The following COP1 variants were observed in gnomAD, a reference collection of about 807,000 sequenced individuals.
COP1 encodes E3 ubiquitin-protein ligase COP1.
A neutral mutation model predicts 101.3 loss-of-function variants in COP1; 24 were observed. That is an observed-to-expected ratio of 0.24 (90% CI 0.17 to 0.33). The LOEUF (loss-of-function observed/expected upper bound fraction) is 0.33. Ranked by LOEUF, COP1 falls within the 10% of genes least tolerant of loss-of-function variation. The pLI is 1.00. For synonymous variants in COP1, 347 were observed against 341.9 expected (o/e 1.01, Z -0.17); for missense variants, 663 against 906.2 (o/e 0.73, Z 3.45).
intron 11 of COP1, among the ~76,000 whole-genome samples, chr1:176,058,449 T>C (rs1674218749): frequency 1.3e-5 from 2 of 152,342 alleles, no homozygotes; most frequent in African/African-American, 4.8e-5. Flanking sequence ...TGTTGATCTG[T>C]GACCTTACCC....
intron 3 of COP1, among the ~76,000 whole-genome samples, chr1:176,170,619 T>G (rs1695897781): frequency 6.6e-6 from 1 of 152,184 alleles, no homozygotes; most frequent in Non-Finnish European, 1.5e-5. Flanking sequence ...GTCTTCAGGC[T>G]TTGTTGTTCT....
intron 19 of COP1, among the ~76,000 whole-genome samples, chr1:175,946,271 C>T (rs1187549782): frequency 6.6e-6 from 1 of 152,066 alleles, no homozygotes; most frequent in Non-Finnish European, 1.5e-5. Flanking sequence ...AAACTGGCTG[C>T]CTAAAAAAGG....
intron 18 of COP1, among the ~76,000 whole-genome samples, chr1:175,970,961 A>C (rs924791680): frequency 2.0e-5 from 3 of 152,242 alleles, no homozygotes; most frequent in African/African-American, 7.2e-5. Flanking sequence ...ACTGAAAGGG[A>C]CATAAAGCTG....
intron 1 of COP1, among the ~76,000 whole-genome samples, chr1:176,189,789 A>C (rs576577515): frequency 5.8e-4 from 87 of 150,696 alleles, no homozygotes; most frequent in Middle Eastern, 3.6e-3. Flanking sequence ...AGCCAGAAAA[A>C]TATGACCAAA....
chr1:176,090,804 A>C (rs1000017122), intron 9 of COP1, among the ~76,000 whole-genome samples: 12 of 152,218 alleles, frequency 7.9e-5, no homozygotes, highest in Non-Finnish European at 1.5e-4. Flanking sequence ...ACTCAGAAGA[A>C]AAGACCAAGA....
chr1:176,001,190 A>G (rs1035689132), intron 15 of COP1, among the ~76,000 whole-genome samples: 5 of 152,124 alleles, frequency 3.3e-5, no homozygotes, highest in African/African-American at 1.2e-4. Flanking sequence ...AAAATAAAAT[A>G]TAAAACTCTT....
At chr1:176,125,105 T>A (rs904183062) in intron 8 of COP1, among the ~76,000 whole-genome samples, 113 of 14,354 alleles carry the variant, frequency 7.9e-3, no homozygotes, top group Non-Finnish European at 0.036. Context: ...GATTATTCGA[T>A]TTTTTTTTTC....
At chr1:176,084,624 T>TA (rs1679783175) in intron 10 of COP1, among the ~76,000 whole-genome samples, 1 of 152,184 alleles carries the variant, frequency 6.6e-6, no homozygotes, top group Non-Finnish European at 1.5e-5. Flanking sequence ...TTTCCCAGCA[T>TA]AAAAACTGTT....
At chr1:176,161,738 T>C (rs1342779488) in intron 5 of COP1, among the ~76,000 whole-genome samples, 1 of 152,118 alleles carries the variant, frequency 6.6e-6, no homozygotes, top group Non-Finnish European at 1.5e-5. Context: ...TGGCAAACAG[T>C]AGATGCTAAT....
chr1:176,200,241 T>C (rs1272293582), intron 1 of COP1, among the ~76,000 whole-genome samples: 2 of 152,234 alleles, frequency 1.3e-5, no homozygotes, highest in African/African-American at 4.8e-5. Flanking sequence ...TGAGCACTTA[T>C]TATTATGAGT....
intron 1 of COP1, among the ~76,000 whole-genome samples, chr1:176,187,223 C>T (rs558570630): frequency 2.6e-5 from 4 of 152,120 alleles, no homozygotes; most frequent in Non-Finnish European, 4.4e-5. Context: ...CTCTTGGGCT[C>T]GGGACATCTC....
At chr1:175,955,801 C>CACACACACAT (rs1553275345) in intron 18 of COP1, among the ~76,000 whole-genome samples, 1 of 150,972 alleles carries the variant, frequency 6.6e-6, no homozygotes, top group African/African-American at 2.4e-5. Context: ...CACACACACA[C>CACACACACAT]GGCCTACATA....
chr1:176,179,594 C>A (rs1240658410), intron 2 of COP1, among the ~76,000 whole-genome samples: 1 of 151,682 alleles, frequency 6.6e-6, no homozygotes, highest in Non-Finnish European at 1.5e-5. Context: ...ATTAGCCATG[C>A]ATGGTGGCAG....
At chr1:176,164,439 A>G (rs1694789173) in intron 3 of COP1, among the ~76,000 whole-genome samples, 2 of 152,148 alleles carry the variant, frequency 1.3e-5, no homozygotes, top group African/African-American at 4.8e-5. Context: ...AACCCCATGT[A>G]TTACTTTGAC....
chr1:176,087,836 C>G (rs1680499856), intron 9 of COP1, among the ~76,000 whole-genome samples: 4 of 152,088 alleles, frequency 2.6e-5, no homozygotes, highest in African/African-American at 9.7e-5. Context: ...TTCACAATAG[C>G]AAAGACTTGG....
intron 1 of COP1, among the ~76,000 whole-genome samples, chr1:176,199,414 A>C (rs1700051030): frequency 6.6e-6 from 1 of 152,228 alleles, no homozygotes; most frequent in Non-Finnish European, 1.5e-5. Flanking sequence ...CAGAGAACTC[A>C]GCAATTCACT....
chr1:176,149,064 G>A lies in COP1; in HGVS notation c.773C>T (p.Ala258Val). 6.3e-7 allele frequency: 1 copy of A among 1,577,310 alleles called. No homozygotes were observed. The highest frequency in any genetic ancestry group is 8.6e-7 in the Non-Finnish European group (1 of 1,156,744). The change falls in exon 6 of 20, where the codon GCA (alanine) becomes GTA (valine). Residue 258 changes from alanine to valine, a missense_variant. This residue lies in a region of COP1 where 212 missense variants were observed against 240.7 expected (regional missense o/e 0.88). Coordinates refer to ENST00000367669, the MANE Select transcript of COP1 (RefSeq NM_022457.7). ...TTCCATAAGAATCTGTAGTTGGGCTGCATGTGATTCCTACAATAGAAAATT... is the reference window on the plus strand; with the variant it reads ...TTCCATAAGAATCTGTAGTTGGGCTACATGTGATTCCTACAATAGAAAATT... ...KKKQLEAESHAAQLQILMEFL... is the reference protein window; with the variant it reads ...KKKQLEAESHVAQLQILMEFL...
chr1:176,027,481 C>CA, intron 15 of COP1, 91 bp downstream of exon 15: 4 of 795,956 alleles, frequency 5.0e-6, no homozygotes, highest in Non-Finnish European at 8.7e-6. Context: ...TTTAAACCTA[C>CA]AAAAGAGTTA....
At chr1:176,002,636 T>G (rs201422094) in intron 15 of COP1, among the ~76,000 whole-genome samples, 39,277 of 147,548 alleles carry the variant, frequency 0.27, 6,182 homozygotes, top group East Asian at 0.48. Context: ...GATAGTTTAC[T>G]GAGAATGATG....
Sources: allele counts gnomAD v4.1 joint callset (sites outside exome capture counted in the v4.1 genomes callset), GRCh38; gene constraint gnomAD v4.1.1; regional missense constraint gnomAD v4.1.1; transcripts MANE v1.5; gene names NCBI Gene and HGNC (gene_info 2026-07-23, HGNC 2026-07-21).